The following FAT4 variants were observed in gnomAD, a reference collection of about 807,000 sequenced individuals.
The protein encoded by FAT4 is protocadherin Fat 4.
A neutral mutation model predicts 303.9 loss-of-function variants in FAT4; 84 were observed. That is an observed-to-expected ratio of 0.28 (90% CI 0.23 to 0.33). FAT4 has a LOEUF of 0.33. Ranked by LOEUF, FAT4 falls within the 10% of genes least tolerant of loss-of-function variation. FAT4 has a pLI of 1.00. For synonymous variants in FAT4, 2,307 were observed against 2,298.8 expected, an observed-to-expected ratio of 1.00 and a Z score of -0.10; for missense variants, 6,005 against 6,146.8, an observed-to-expected ratio of 0.98 and a Z score of 0.77.
chr4:125,446,219 T>G (rs1199067139), intron 8 of FAT4, 74 bp from the exon 9 acceptor site: 1 of 1,322,038 alleles, frequency 7.6e-7, no homozygotes, highest in Admixed American at 2.2e-5. Flanking sequence ...CTACCTCAGT[T>G]TTTTAATTAT....
At chr4:125,390,722 C>A (rs1733946121) in intron 2 of FAT4, among the ~76,000 whole-genome samples, 1 of 152,118 alleles carries the variant, frequency 6.6e-6, no homozygotes. Flanking sequence ...CAGGTTTACA[C>A]GTGCCTTTCA....
chr4:125,439,307 A>C (rs1725564565), intron 8 of FAT4, among the ~76,000 whole-genome samples: 1 of 151,694 alleles, frequency 6.6e-6, no homozygotes, highest in African/African-American at 2.4e-5. Context: ...CCACTGACAA[A>C]GTCAACATTC....
At position 125,451,120 on chromosome 4, in the gene FAT4, G is replaced by T; in HGVS notation, c.10110G>T (p.Arg3370Ser). ...TTCTTGATCGAGAAAAAGAAGAAAG[G>T]GTGTCTTTGAAGGTATTGGCCAAGA... ...SGILDREKEE[R>S]VSLKVLAKNF... is the part of the protein sequence containing the mutation. The change falls in exon 10 of 18, where the codon AGG (arginine) becomes AGT (serine). Residue 3370 changes from arginine (R) to serine (S), a missense_variant. By Grantham distance (110) the Arg-to-Ser change is moderately radical. Transcript: ENST00000394329. 14 of 1,614,106 alleles carry T rather than the reference G, an allele frequency of 8.7e-6. No individual in the cohort carries two copies. Among genetic ancestry groups the T allele is most frequent in the Non-Finnish European group, 1.2e-5 (14 of 1,180,014 alleles).
chr4:125,465,736 C>A (rs1726638398), intron 11 of FAT4, among the ~76,000 whole-genome samples: 1 of 152,164 alleles, frequency 6.6e-6, no homozygotes, highest in South Asian at 2.1e-4. Context: ...ACAAATCACA[C>A]ATAGCCGGCA....
intron 12 of FAT4, 25 bp downstream of exon 12, chr4:125,468,844 T>C: frequency 6.3e-7 from 1 of 1,590,828 alleles, no homozygotes; most frequent in Non-Finnish European, 8.6e-7. Context: ...TTTATTGTTG[T>C]TGTATATCCA....
At chr4:125,448,411 A>C in intron 9 of FAT4, 50 bp from the exon 10 acceptor site, 1 of 1,512,158 alleles carries the variant, frequency 6.6e-7, no homozygotes, top group Non-Finnish European at 8.9e-7. Context: ...GCTACCAAAT[A>C]TTTTATTTAA....
chr4:125,491,806 A>T lies in FAT4; in HGVS notation c.*38A>T. The stretch of plus-strand genomic sequence containing the variant: ...GGCACTATAAAATATAAAAACAAGA[A>T]ATAATACTCAAACCATTGTAAAGTT... On this transcript the variant is annotated 3_prime_UTR_variant, in exon 18 of 18. Coordinates refer to ENST00000394329, the MANE Select transcript of FAT4 (RefSeq NM_001291303.3). The T allele has an allele frequency of 6.6e-7, 1 of 1,523,938 alleles. No homozygotes were observed. The highest frequency in any genetic ancestry group is 8.8e-7 in the Non-Finnish European group (1 of 1,136,832). The allele number at this position is 1,523,938 out of a possible 1,614,324, so 94.4% of individuals were successfully genotyped here. A position where few individuals can be genotyped will look rare whatever the true frequency, so the allele number is the denominator to read the frequency against.
In FAT4 at chr4:125,477,336, T is replaced by C; in HGVS notation, c.12479+2T>C. 1 of 1,551,222 alleles carries C rather than the reference T, an allele frequency of 6.4e-7. No individual in the cohort carries two copies. Among genetic ancestry groups the C allele is most frequent in the Non-Finnish European group, 8.7e-7 (1 of 1,146,302 alleles). On this transcript the variant is annotated splice_donor_variant, in intron 14 of 17. Coordinates refer to ENST00000394329, the MANE Select transcript of FAT4 (RefSeq NM_001291303.3). LOFTEE classifies it high-confidence loss of function. ...GGCAGCACAAGGCATCCTAGATCAG[T>C]ATGGCGATTTTATTTCTTACTGTTT...
At position 125,315,043 on chromosome 4, in the gene FAT4, T is replaced by C. The variant is rs1283615465; in HGVS notation, c.-947T>C. 1.3e-5 allele frequency among the ~76,000 whole-genome samples: 2 copies of C among 152,092 alleles called. No homozygotes were observed. ...TCTTCCCTCCCCCTCTGTTTGTGTT[T>C]CGGCGACGCGCTGTGTGTGTGTGTG... On this transcript the variant is annotated 5_prime_UTR_variant, in exon 1 of 18. Coordinates refer to ENST00000394329, the MANE Select transcript of FAT4 (RefSeq NM_001291303.3).
chr4:125,487,664 A>ATTTTT, intron 17 of FAT4, 58 bp downstream of exon 17: 2 of 1,496,350 alleles, frequency 1.3e-6, no homozygotes, highest in East Asian at 4.6e-5. Context: ...TCAAAAAGTA[A>ATTTTT]TTGCTTTTTC....
At chr4:125,405,838 C>T (rs1402403370) in intron 3 of FAT4, among the ~76,000 whole-genome samples, 2 of 152,036 alleles carry the variant, frequency 1.3e-5, no homozygotes, top group Admixed American at 1.3e-4. Context: ...TTTAAAGAAA[C>T]ATCTATATAA....
intron 2 of FAT4, among the ~76,000 whole-genome samples, chr4:125,353,419 T>C (rs1303516135): frequency 6.6e-6 from 1 of 151,734 alleles, no homozygotes; most frequent in Admixed American, 6.6e-5. Context: ...ATTTTCTCTT[T>C]AGTTTAAAAT....
In FAT4 at chr4:125,408,763, T is replaced by A. The variant is rs1734728244; in HGVS notation, c.5889T>A (p.Val1963=). ...LMENLPVGST[V]LVFNVTDADD... The stretch of plus-strand genomic sequence containing the variant: ...AGAATCTACCTGTGGGATCTACTGT[T>A]CTTGTGTTTAATGTTACTGATGCAG... Residue 1963 remains valine (V), a synonymous_variant, in exon 5 of 18, where the codon GTT becomes GTA. Transcript: ENST00000394329. 1.3e-6 allele frequency: 2 copies of A among 1,581,882 alleles called. No individual in the cohort carries two copies. Among genetic ancestry groups the A allele is most frequent in the African/African-American group, 1.4e-5 (1 of 73,802 alleles).
At chr4:125,416,272 T>A (rs1344954670) in intron 6 of FAT4, among the ~76,000 whole-genome samples, 176 bp from the exon 7 acceptor site, 1 of 152,204 alleles carries the variant, frequency 6.6e-6, no homozygotes, top group African/African-American at 2.4e-5. Flanking sequence ...TTTACACAAA[T>A]AGACTCGGGT....
At chr4:125,477,968 AC>A (rs1727091238) in intron 14 of FAT4, among the ~76,000 whole-genome samples, 1 of 152,254 alleles carries the variant, frequency 6.6e-6, no homozygotes, top group African/African-American at 2.4e-5. Context: ...CCCAGAGACA[AC>A]TACTCTTAGG....
Position 125,355,717 on chromosome 4 carries a change from C to CT in FAT4, c.5175+34139dup, listed in dbSNP as rs200021736. On this transcript the variant is annotated intron_variant, in intron 2 of 17. Coordinates refer to ENST00000394329, the MANE Select transcript of FAT4 (RefSeq NM_001291303.3). ...AGAGGTGGTAGGTCAATCTTTTTTTCTTTTTTTTCCTCCAATAATCAGTGG... is the reference window on the plus strand; with the variant it reads ...AGAGGTGGTAGGTCAATCTTTTTTTCTTTTTTTTTCCTCCAATAATCAGTGG... Among the ~76,000 whole-genome samples the CT allele has an allele frequency of 7.4e-4, 112 of 151,018 alleles. No homozygotes were observed. In the Middle Eastern group the frequency reaches 0.01, roughly 14 times the overall value.
At chr4:125,339,594 C>T (rs1460747457) in intron 2 of FAT4, among the ~76,000 whole-genome samples, 1 of 152,254 alleles carries the variant, frequency 6.6e-6, no homozygotes, top group East Asian at 1.9e-4. Flanking sequence ...ACAACTAAAA[C>T]TAACATTTAT....
Position 125,449,438 on chromosome 4 carries a change from A to C in FAT4, c.8428A>C (p.Arg2810=). 1 of 1,613,884 alleles carries C rather than the reference A, an allele frequency of 6.2e-7. No homozygotes were observed. Among genetic ancestry groups the C allele is most frequent in the Non-Finnish European group, 8.5e-7 (1 of 1,179,864 alleles). ...DEDIGINAIS[R]YSIMDASLPF... ...AGACATTGGGATCAATGCAATTAGT[A>C]GATATTCTATAATGGATGCAAGTCT... Residue 2810 remains arginine (R), a synonymous_variant, in exon 10 of 18, where the codon AGA becomes CGA. Coordinates refer to ENST00000394329, the MANE Select transcript of FAT4 (RefSeq NM_001291303.3).
Position 125,321,399 on chromosome 4 carries a change from T to A in FAT4, c.4988T>A (p.Val1663Glu). The A allele has an allele frequency of 6.2e-7, 1 of 1,614,076 alleles. No homozygotes were observed. The change falls in exon 2 of 18, where the codon GTG becomes GAG. Residue 1663 changes from valine (V) to glutamate (E), a missense_variant. Coordinates refer to ENST00000394329, the MANE Select transcript of FAT4 (RefSeq NM_001291303.3). ...AASPRGSEAP[V>E]EYYIVSVRCE... Reference sequence around the variant, plus strand: ...AGCCCCAGAGGATCTGAGGCCCCAGTGGAGTATTATATTGTTTCAGTTCGT... The same window carrying A: ...AGCCCCAGAGGATCTGAGGCCCCAGAGGAGTATTATATTGTTTCAGTTCGT...
Sources: allele counts gnomAD v4.1 joint callset (sites outside exome capture counted in the v4.1 genomes callset), GRCh38; gene constraint gnomAD v4.1.1; transcripts MANE v1.5; gene names NCBI Gene and HGNC (gene_info 2026-07-23, HGNC 2026-07-21).